The following THSD7B variants were observed in gnomAD, a reference collection of about 807,000 sequenced individuals.
THSD7B encodes thrombospondin type 1 domain containing 7B.
A neutral mutation model predicts 213.6 loss-of-function variants in THSD7B; 138 were observed. The ratio of observed to expected loss-of-function variants is 0.65; its 90% CI spans 0.56 to 0.74. The LOEUF (loss-of-function observed/expected upper bound fraction) is 0.74. Among genes scored for constraint, THSD7B ranks in the 30% least tolerant of loss-of-function variants. The pLI, the probability that THSD7B is intolerant of heterozygous loss-of-function variation, is 0.00. For missense variants in THSD7B, 1,931 were observed against 1,991.5 expected (o/e 0.97, Z 0.58); for synonymous variants, 742 against 687.0 (o/e 1.08, Z -1.25).
intron 2 of THSD7B, among the ~76,000 whole-genome samples, chr2:137,039,123 T>C (rs1250473152): frequency 6.6e-6 from 1 of 152,206 alleles, no homozygotes; most frequent in Non-Finnish European, 1.5e-5. Flanking sequence ...CTGCTGAATA[T>C]ACATCAGTGG....
intron 14 of THSD7B, among the ~76,000 whole-genome samples, chr2:137,413,765 T>G (rs1686726807): frequency 6.6e-6 from 1 of 152,138 alleles, no homozygotes; most frequent in South Asian, 2.1e-4. Flanking sequence ...AGTCATCAGC[T>G]TGGAAGTGGG....
intron 6 of THSD7B, among the ~76,000 whole-genome samples, chr2:137,165,896 CTCTAGGCTTT>C (rs888470216): frequency 2.0e-5 from 3 of 152,000 alleles, no homozygotes; most frequent in African/African-American, 7.3e-5. Context: ...TTTTTCTCCT[CTCTAGGCTTT>C]CCTAGTCATC....
intron 12 of THSD7B, among the ~76,000 whole-genome samples, chr2:137,362,011 C>G (rs1685274358): frequency 6.6e-6 from 1 of 152,064 alleles, no homozygotes; most frequent in Non-Finnish European, 1.5e-5. Context: ...CAAAGGGAAG[C>G]CCATCAGACT....
intron 1 of THSD7B, among the ~76,000 whole-genome samples, chr2:136,768,314 C>T (rs1042102053): frequency 6.6e-6 from 1 of 152,140 alleles, no homozygotes; most frequent in South Asian, 2.1e-4. Context: ...GGGAGAATGT[C>T]CAAACAAGAA....
intron 1 of THSD7B, among the ~76,000 whole-genome samples, chr2:136,852,474 A>G (rs938507865): frequency 2.5e-4 from 38 of 152,290 alleles, no homozygotes; most frequent in African/African-American, 8.9e-4. Flanking sequence ...CGCCTTGCTA[A>G]CACCATGCCT....
intron 1 of THSD7B, among the ~76,000 whole-genome samples, chr2:136,786,301 A>C: frequency 6.6e-6 from 1 of 152,176 alleles, no homozygotes; most frequent in East Asian, 1.9e-4. Context: ...TGTAGTACCA[A>C]AGAATATTCA....
chr2:137,089,621 G>A (rs1687913795), intron 3 of THSD7B, among the ~76,000 whole-genome samples: 1 of 151,884 alleles, frequency 6.6e-6, no homozygotes, highest in Non-Finnish European at 1.5e-5. Context: ...AGGATGCAAA[G>A]GCATAAGAAT....
chr2:137,075,593 G>C (rs1247291080), intron 3 of THSD7B, among the ~76,000 whole-genome samples: 1 of 152,156 alleles, frequency 6.6e-6, no homozygotes, highest in African/African-American at 2.4e-5. Context: ...ACTCGTTAAA[G>C]TCATTCTCCG....
At chr2:136,936,018 T>C (rs1684720419) in intron 2 of THSD7B, among the ~76,000 whole-genome samples, 1 of 149,242 alleles carries the variant, frequency 6.7e-6, no homozygotes, top group Non-Finnish European at 1.5e-5. Flanking sequence ...TCTAGAAATA[T>C]ATATATAGTC....
intron 5 of THSD7B, among the ~76,000 whole-genome samples, chr2:137,144,761 A>T (rs1161572760): frequency 6.6e-6 from 1 of 152,070 alleles, no homozygotes; most frequent in African/African-American, 2.4e-5. Flanking sequence ...GAAGAACATC[A>T]TCATTGCAGA....
intron 12 of THSD7B, among the ~76,000 whole-genome samples, chr2:137,316,083 A>G (rs72977608): frequency 0.025 from 3,802 of 152,332 alleles, 181 homozygotes; most frequent in African/African-American, 0.087. Context: ...TTACTTGGGT[A>G]ATACAATTAC....
intron 5 of THSD7B, among the ~76,000 whole-genome samples, chr2:137,152,125 T>A (rs914986561): frequency 2.6e-5 from 4 of 151,760 alleles, no homozygotes; most frequent in African/African-American, 9.7e-5. Context: ...AATGTTAAAA[T>A]GAAAATAGTC....
At chr2:136,846,712 G>T (rs1022316949) in intron 1 of THSD7B, among the ~76,000 whole-genome samples, 5 of 152,094 alleles carry the variant, frequency 3.3e-5, no homozygotes, top group Admixed American at 2.6e-4. Context: ...AATTCAGCAG[G>T]AATATGACCA....
At position 137,659,703 on chromosome 2, in the gene THSD7B, A is replaced by C. The variant is rs1308315211; in HGVS notation, c.4415A>C (p.Gln1472Pro). The C allele has an allele frequency of 1.2e-6, 2 of 1,604,966 alleles. No homozygotes were observed. The highest frequency in any genetic ancestry group is 2.7e-5 in the African/African-American group (2 of 74,936). The change falls in exon 25 of 28, where the codon CAG becomes CCG. Residue 1472 changes from glutamine (Q) to proline (P), a missense_variant. Physicochemically the swap from Gln to Pro is moderately conservative, Grantham distance 76. Coordinates refer to ENST00000409968, the MANE Select transcript of THSD7B (RefSeq NM_001316349.2). ...CAGGCCCGTCCTGCTGCCATTCGGCAGTGCATTCCAGCCTGCAGAAAACCT... is the reference window on the plus strand; with the variant it reads ...CAGGCCCGTCCTGCTGCCATTCGGCCGTGCATTCCAGCCTGCAGAAAACCT... ...SPQARPAAIR[Q>P]CIPACRKPFS... is the part of the protein sequence containing the mutation.
At chr2:137,180,837 G>C (rs1680439648) in intron 7 of THSD7B, among the ~76,000 whole-genome samples, 1 of 152,134 alleles carries the variant, frequency 6.6e-6, no homozygotes, top group South Asian at 2.1e-4. Context: ...CAATAGTTAA[G>C]ATGTTATTTT....
Position 136,826,400 on chromosome 2 carries a change from C to G in THSD7B, c.-35-55744C>G, listed in dbSNP as rs527811626. ...TTCATCCTCTTTTCCCTGAAGGGTG[C>G]TGCTCCGTGCTGAGCCTCTGATTTC... On this transcript the variant is annotated intron_variant, in intron 1 of 27. Coordinates refer to ENST00000409968, the MANE Select transcript of THSD7B (RefSeq NM_001316349.2). Among the ~76,000 whole-genome samples, 7 of 152,284 alleles carry G rather than the reference C, an allele frequency of 4.6e-5. No individual in the cohort carries two copies. In the East Asian group the frequency reaches 1.4e-3, roughly 29 times the overall value.
chr2:136,965,385 T>G (rs1685296590), intron 2 of THSD7B, among the ~76,000 whole-genome samples: 1 of 152,176 alleles, frequency 6.6e-6, no homozygotes, highest in South Asian at 2.1e-4. Flanking sequence ...GGGAAGAATG[T>G]GCTGGCATCA....
intron 2 of THSD7B, among the ~76,000 whole-genome samples, chr2:136,996,659 T>C (rs2104820801): frequency 6.6e-6 from 1 of 152,348 alleles, no homozygotes; most frequent in East Asian, 1.9e-4. Flanking sequence ...TTGTTTTTAA[T>C]GTATGATTTA....
Position 137,598,866 on chromosome 2 carries a change from T to G in THSD7B, c.3424-17309T>G, listed in dbSNP as rs141353450. Among the ~76,000 whole-genome samples, 588 of 133,172 alleles carry G rather than the reference T, an allele frequency of 4.4e-3. 5 individuals carry two copies. The highest frequency in any genetic ancestry group is 0.02 in the African/African-American group (565 of 28,262). 87.4% of individuals were successfully genotyped at this position (133,172 alleles called of 152,430 possible). A position where few individuals can be genotyped will look rare whatever the true frequency, so the allele number is the denominator to read the frequency against. On this transcript the variant is annotated intron_variant, in intron 17 of 27. Coordinates refer to ENST00000409968, the MANE Select transcript of THSD7B (RefSeq NM_001316349.2). ...TCCCTTCTTTTTTTTCTTTTATGTT[T>G]CATTTTGGTTCTTTTTTTTTTTTAT...
Sources: gnomAD v4.1 joint callset for allele counts (sites outside exome capture counted in the v4.1 genomes callset) on GRCh38, gnomAD v4.1.1 for gene constraint, MANE v1.5 for transcripts, NCBI Gene and HGNC (gene_info 2026-07-23, HGNC 2026-07-21) for gene names.